MYO16: variants seen among roughly 807,000 people sequenced by gnomAD.
The protein encoded by MYO16 is unconventional myosin-XVI.
A neutral mutation model predicts 205.3 loss-of-function variants in MYO16; 94 were observed. That is an observed-to-expected ratio of 0.46 (90% CI 0.39 to 0.54). The LOEUF is 0.54. Ranked by LOEUF, MYO16 falls within the 20% of genes least tolerant of loss-of-function variation. MYO16 has a pLI of 0.00. For missense variants in MYO16, 2,315 were observed against 2,387.5 expected, an observed-to-expected ratio of 0.97 and a Z score of 0.63; for synonymous variants, 988 against 954.0, an observed-to-expected ratio of 1.04 and a Z score of -0.66.
the MYO16 span, among the ~76,000 whole-genome samples, chr13:108,508,253 G>GAA: frequency 2.4e-3 from 346 of 144,898 alleles, 1 homozygote; most frequent in Non-Finnish European, 2.4e-3. Context: ...TTGGGCATTT[G>GAA]AAAAAAAAAA....
rs1885640545 is a variant in MYO16, at chr13:108,762,422, TG to T, written c.508-23212del. On this transcript the variant is annotated intron_variant, in intron 4 of 34. Transcript: ENST00000457511. The stretch of plus-strand genomic sequence containing the variant: ...TTAGTTCTTTGAGAAATATCCATAC[TG>T]TTTTCCATAAAAGTTGTACTAAGTT... 3.3e-5 allele frequency among the ~76,000 whole-genome samples: 5 copies of T among 152,352 alleles called. No individual in the cohort carries two copies. In the South Asian group the frequency reaches 1.0e-3, roughly 32 times the overall value.
intron 27 of MYO16, among the ~76,000 whole-genome samples, chr13:109,090,945 A>C (rs1168350047): frequency 6.6e-6 from 1 of 151,644 alleles, no homozygotes; most frequent in African/African-American, 2.4e-5. Context: ...CTTTTTCTTC[A>C]TACTTCTCTC....
At chr13:108,722,948 G>C (rs950678882) in intron 3 of MYO16, among the ~76,000 whole-genome samples, 3 of 152,032 alleles carry the variant, frequency 2.0e-5, no homozygotes, top group African/African-American at 7.2e-5. Flanking sequence ...TATTCTGTAA[G>C]AATTCGCATT....
intron 33 of MYO16, among the ~76,000 whole-genome samples, chr13:109,169,222 T>A (rs1878825881): frequency 6.6e-6 from 1 of 152,208 alleles, no homozygotes; most frequent in African/African-American, 2.4e-5. Flanking sequence ...AATGTATGGC[T>A]TCAAACCTTT....
chr13:108,704,912 A>G (rs901874191), intron 2 of MYO16, among the ~76,000 whole-genome samples: 3 of 150,604 alleles, frequency 2.0e-5, no homozygotes, highest in African/African-American at 7.4e-5. Flanking sequence ...AAATATCAAC[A>G]CAATGAAAAA....
chr13:109,022,362 ATATGTATG>A, intron 23 of MYO16, among the ~76,000 whole-genome samples: 1 of 110,168 alleles, frequency 9.1e-6, no homozygotes, highest in African/African-American at 3.9e-5. Context: ...ATATATGTAT[ATATGTATG>A]TATTATATAT....
the MYO16 span, among the ~76,000 whole-genome samples, chr13:108,562,193 C>T: frequency 1.3e-5 from 2 of 152,056 alleles, no homozygotes; most frequent in South Asian, 4.2e-4. Flanking sequence ...CTGCAGCCAA[C>T]CACCTCCTCA....
intron 1 of MYO16, among the ~76,000 whole-genome samples, chr13:108,631,314 G>A (rs1879970278): frequency 6.6e-6 from 1 of 152,142 alleles, no homozygotes; most frequent in African/African-American, 2.4e-5. Context: ...AAGCACAAAG[G>A]GACAGTGACA....
In MYO16 at chr13:108,712,686, A is replaced by G. The variant is rs764136295; in HGVS notation, c.318A>G (p.Ala106=). The change falls in exon 3 of 35, where the codon GCA becomes GCG. Residue 106 remains alanine (A), a synonymous_variant. Coordinates refer to ENST00000457511, the MANE Select transcript of MYO16 (RefSeq NM_001198950.3). ...KEVLRLLKEG[A]DPHTLVSSGG... ...TGCTTCGGCTCCTGAAGGAGGGGGC[A>G]GACCCCCACACCCTCGTCTCCTCGG... is the stretch of plus-strand genomic sequence containing the variant. 12 of 1,614,168 alleles carry G rather than the reference A, an allele frequency of 7.4e-6. No homozygotes were observed. The highest frequency in any genetic ancestry group is 4.5e-5 in the East Asian group (2 of 44,876).
chr13:108,954,634 C>T (rs936816291), intron 16 of MYO16, among the ~76,000 whole-genome samples: 6 of 151,886 alleles, frequency 4.0e-5, no homozygotes, highest in Admixed American at 2.0e-4. Context: ...CCCAGCTATT[C>T]GGGAGGCTGA....
chr13:109,027,403 A>G (rs993286574), intron 23 of MYO16, among the ~76,000 whole-genome samples: 4 of 152,214 alleles, frequency 2.6e-5, no homozygotes, highest in Admixed American at 1.3e-4. Flanking sequence ...ACAAGCCACT[A>G]CAGGCTAGCA....
chr13:108,876,865 C>T (rs1480079284), intron 12 of MYO16, among the ~76,000 whole-genome samples: 1 of 151,970 alleles, frequency 6.6e-6, no homozygotes, highest in Non-Finnish European at 1.5e-5. Flanking sequence ...ATGGGGTTTT[C>T]CCAAGTTAGC....
At chr13:108,803,730 C>T (rs984299) in intron 6 of MYO16, among the ~76,000 whole-genome samples, 98,535 of 151,888 alleles carry the variant, frequency 0.65, 33,428 homozygotes, top group East Asian at 0.77. Context: ...AACACTAAGA[C>T]TTGGTGATGG....
the MYO16 span, among the ~76,000 whole-genome samples, chr13:108,521,903 C>T: frequency 6.6e-6 from 1 of 152,154 alleles, no homozygotes; most frequent in Non-Finnish European, 1.5e-5. Context: ...TATTAATCTG[C>T]AATGATATAA....
intron 10 of MYO16, among the ~76,000 whole-genome samples, chr13:108,846,447 T>C (rs1877524329): frequency 6.6e-6 from 1 of 151,910 alleles, no homozygotes; most frequent in Admixed American, 6.6e-5. Context: ...CTTTAGCTTT[T>C]ACAAAATAAT....
chr13:109,134,234 T>C (rs538845992), intron 31 of MYO16, among the ~76,000 whole-genome samples: 7 of 152,294 alleles, frequency 4.6e-5, no homozygotes, highest in South Asian at 2.1e-4. Flanking sequence ...CTGTGTCACA[T>C]AGGCAAGTTT....
intron 27 of MYO16, among the ~76,000 whole-genome samples, chr13:109,077,096 T>A (rs954269407): frequency 1.3e-5 from 2 of 151,780 alleles, no homozygotes; most frequent in Non-Finnish European, 2.9e-5. Context: ...CTCGGCTCAC[T>A]GCAGCCTCCA....
chr13:108,924,436 A>T lies in MYO16; in HGVS notation c.1925+14286A>T, dbSNP rs575078227. On this transcript the variant is annotated intron_variant, in intron 16 of 34. Transcript: ENST00000457511. ...AACCTGCTGAGCAATCATCCTAATA[A>T]GGTGCTCCAGGGAGCCACCCTCACC... Among the ~76,000 whole-genome samples, 4 of 152,282 alleles carry T rather than the reference A, an allele frequency of 2.6e-5. No homozygotes were observed. In the East Asian group the frequency reaches 7.7e-4, roughly 29 times the overall value.
the MYO16 span, among the ~76,000 whole-genome samples, chr13:108,530,462 A>G: frequency 3.9e-4 from 59 of 152,340 alleles, no homozygotes; most frequent in Non-Finnish European, 7.6e-4. Flanking sequence ...AATAGATCAA[A>G]CGTTCACCTA....
Sources: gnomAD v4.1 joint callset for allele counts (sites outside exome capture counted in the v4.1 genomes callset) on GRCh38, gnomAD v4.1.1 for gene constraint, MANE v1.5 for transcripts, NCBI Gene and HGNC (gene_info 2026-07-23, HGNC 2026-07-21) for gene names.